The following LUZP1 variants were observed in gnomAD, a reference collection of about 807,000 sequenced individuals.
LUZP1 encodes leucine zipper protein 1.
A neutral mutation model predicts 71.3 loss-of-function variants in LUZP1; 25 were observed. The ratio of observed to expected loss-of-function variants is 0.35; its 90% CI spans 0.26 to 0.49. The LOEUF is 0.49. LUZP1 is among the 20% of genes least tolerant of loss of function. The probability of loss-of-function intolerance (pLI) is 0.99; values close to 1 mark genes in which losing one functional copy is unlikely to be tolerated. For missense variants in LUZP1, 1,142 were observed against 1,300.8 expected (o/e 0.88, Z 1.88); for synonymous variants, 481 against 506.4 (o/e 0.95, Z 0.67).
At chr1:23,146,371 C>A (rs754184237) in intron 2 of LUZP1, among the ~76,000 whole-genome samples, 1 of 152,136 alleles carries the variant, frequency 6.6e-6, no homozygotes, top group African/African-American at 2.4e-5. Context: ...TAAATTTATG[C>A]GGAACATAGG....
At chr1:23,135,106 A>G (rs1432610109) in intron 2 of LUZP1, among the ~76,000 whole-genome samples, 3 of 152,202 alleles carry the variant, frequency 2.0e-5, no homozygotes, top group Admixed American at 1.3e-4. Context: ...ATACCAATCC[A>G]CAATTCTTTG....
At chr1:23,112,393 G>A (rs1375987112) in intron 2 of LUZP1, among the ~76,000 whole-genome samples, 3 of 152,212 alleles carry the variant, frequency 2.0e-5, no homozygotes, top group East Asian at 1.9e-4. Flanking sequence ...CCTAGAAGCA[G>A]AGACTGAAGG....
At chr1:23,177,386 A>C (rs563904125) in intron 1 of LUZP1, 1 of 152,664 alleles carries the variant, frequency 6.6e-6, no homozygotes, top group East Asian at 1.9e-4. Context: ...ACACCCCAAA[A>C]ACCTGGAGCA....
chr1:23,097,914 G>A (rs1643901525), intron 3 of LUZP1, among the ~76,000 whole-genome samples: 1 of 152,208 alleles, frequency 6.6e-6, no homozygotes, highest in African/African-American at 2.4e-5. Flanking sequence ...GGCTGAATTT[G>A]TAGAGGGACA....
chr1:23,130,928 T>C (rs773936560), intron 2 of LUZP1, among the ~76,000 whole-genome samples: 2 of 151,886 alleles, frequency 1.3e-5, no homozygotes, highest in Non-Finnish European at 2.9e-5. Context: ...AAGGTCTTTC[T>C]ACCTGGGGGT....
At chr1:23,083,761 T>C (rs1643695884), downstream of LUZP1, 1 of 157,514 alleles carries the variant, frequency 6.3e-6, no homozygotes, top group African/African-American at 2.4e-5. Flanking sequence ...AAATGCCAAG[T>C]TTATCCTATG....
At chr1:23,168,532 A>C (rs1569718941) in intron 2 of LUZP1, among the ~76,000 whole-genome samples, 1 of 144,964 alleles carries the variant, frequency 6.9e-6, no homozygotes, top group Non-Finnish European at 1.5e-5. Flanking sequence ...TCTTCCTCCA[A>C]CTCCACAAAC....
intron 2 of LUZP1, chr1:23,162,601 G>T (rs1191471115): frequency 6.6e-6 from 1 of 151,952 alleles, no homozygotes. Flanking sequence ...ACCATGCCTG[G>T]CTAATTTTTT....
intron 2 of LUZP1, among the ~76,000 whole-genome samples, chr1:23,139,906 T>C (rs1644289344): frequency 6.6e-6 from 1 of 151,182 alleles, no homozygotes; most frequent in Non-Finnish European, 1.5e-5. Flanking sequence ...GCTGTGCTCA[T>C]GCCACTGTAT....
chr1:23,092,716 G>A, exon 4 of LUZP1: 1 of 1,614,070 alleles, frequency 6.2e-7, no homozygotes, highest in Non-Finnish European at 8.5e-7. Flanking sequence ...ACAGATCCAT[G>A]GGTGGTGTCA....
chr1:23,123,947 C>A (rs1644150102), intron 2 of LUZP1, among the ~76,000 whole-genome samples: 1 of 152,020 alleles, frequency 6.6e-6, no homozygotes, highest in Admixed American at 6.5e-5. Context: ...TATTTTTAAC[C>A]TTTCACCATC....
At chr1:23,155,702 G>C (rs1644416376) in intron 2 of LUZP1, among the ~76,000 whole-genome samples, 1 of 152,140 alleles carries the variant, frequency 6.6e-6, no homozygotes, top group South Asian at 2.1e-4. Flanking sequence ...TGTAATCCCA[G>C]CTACTCGGAA....
At chr1:23,123,722 TA>T (rs535903179) in intron 2 of LUZP1, among the ~76,000 whole-genome samples, 283 of 152,256 alleles carry the variant, frequency 1.9e-3, no homozygotes, top group Middle Eastern at 6.8e-3. Flanking sequence ...GGCCCTGAGG[TA>T]AGCCAGCATT....
chr1:23,154,082 T>C (rs982101737), intron 2 of LUZP1, among the ~76,000 whole-genome samples: 5 of 152,144 alleles, frequency 3.3e-5, no homozygotes, highest in Non-Finnish European at 7.3e-5. Context: ...ACTAAAAGGC[T>C]ACAGACTACA....
chr1:23,084,956 C>T (rs1643739889), exon 5 of LUZP1: 1 of 152,680 alleles, frequency 6.5e-6, no homozygotes, highest in African/African-American at 2.4e-5. Flanking sequence ...CACAGACTCG[C>T]ACAGAGTATA....
intron 2 of LUZP1, among the ~76,000 whole-genome samples, chr1:23,139,557 A>G (rs1210486651): frequency 2.6e-5 from 4 of 152,176 alleles, no homozygotes; most frequent in Non-Finnish European, 4.4e-5. Flanking sequence ...CTTCCACTTA[A>G]TGGATAGTAA....
intron 2 of LUZP1, among the ~76,000 whole-genome samples, chr1:23,125,632 G>A (rs756684776): frequency 6.6e-6 from 1 of 152,134 alleles, no homozygotes; most frequent in Non-Finnish European, 1.5e-5. Context: ...CCTCTTCCCA[G>A]GGATGTGGCT....
At chr1:23,089,586 C>A (rs185297292) in intron 4 of LUZP1, among the ~76,000 whole-genome samples, 91 of 130,708 alleles carry the variant, frequency 7.0e-4, no homozygotes, top group African/African-American at 2.2e-3. Context: ...TTTCTCCCTA[C>A]GCCTAGAATT....
chr1:23,137,060 C>A (rs1644260516), intron 2 of LUZP1, among the ~76,000 whole-genome samples: 1 of 152,170 alleles, frequency 6.6e-6, no homozygotes, highest in South Asian at 2.1e-4. Flanking sequence ...TCTGTCAGAA[C>A]CTCTAGTTCC....
Sources: gnomAD v4.1 joint callset for allele counts (sites outside exome capture counted in the v4.1 genomes callset) on GRCh38, gnomAD v4.1.1 for gene constraint, MANE v1.5 for transcripts, NCBI Gene and HGNC (gene_info 2026-07-23, HGNC 2026-07-21) for gene names.